COL22A1: variants seen among roughly 807,000 people sequenced by gnomAD.
COL22A1 encodes collagen alpha-1(XXII) chain.
COL22A1 carries 221 observed loss-of-function variants against 248.9 expected under a neutral mutation model. The ratio of observed to expected loss-of-function variants is 0.89; its 90% confidence interval spans 0.80 to 0.99. The LOEUF is 0.99. Among genes scored for constraint, COL22A1 ranks in the 50% least tolerant of loss-of-function variants. COL22A1 has a pLI of 0.00. For missense variants in COL22A1, 2,240 were observed against 2,179.0 expected (o/e 1.03, Z -0.56); for synonymous variants, 891 against 793.4 (o/e 1.12, Z -2.07).
intron 41 of COL22A1, among the ~76,000 whole-genome samples, chr8:138,674,178 C>T (rs761807421): frequency 2.0e-5 from 3 of 152,146 alleles, no homozygotes; most frequent in Non-Finnish European, 4.4e-5. Context: ...CAGCCTTAAC[C>T]AACGGATAAA....
intron 11 of COL22A1, among the ~76,000 whole-genome samples, chr8:138,800,191 A>C (rs970859605): frequency 1.3e-5 from 2 of 152,172 alleles, no homozygotes; most frequent in Non-Finnish European, 2.9e-5. Context: ...CTCAGCTTGC[A>C]TCCTTCACTG....
chr8:138,751,349 C>T (rs1036163814), intron 22 of COL22A1, 109 bp downstream of exon 22: 11 of 725,616 alleles, frequency 1.5e-5, no homozygotes, highest in Non-Finnish European at 2.3e-5. Flanking sequence ...TTCCAATATT[C>T]ATTTCAAGTC....
intron 16 of COL22A1, among the ~76,000 whole-genome samples, chr8:138,769,552 G>A (rs1228607391): frequency 6.6e-6 from 1 of 152,014 alleles, no homozygotes; most frequent in Non-Finnish European, 1.5e-5. Flanking sequence ...TCCCGGTGGG[G>A]ACTCCACCAC....
intron 60 of COL22A1, among the ~76,000 whole-genome samples, chr8:138,600,799 C>T (rs1380445772): frequency 6.6e-6 from 1 of 152,218 alleles, no homozygotes; most frequent in Non-Finnish European, 1.5e-5. Flanking sequence ...TTTCACAGGA[C>T]GTTGCAATCT....
In COL22A1 at chr8:138,892,643, A is replaced by G. The variant is rs531359824; in HGVS notation, c.-72-9399T>C. On this transcript the variant is annotated intron_variant, in intron 1 of 64. Coordinates refer to ENST00000303045, the MANE Select transcript of COL22A1 (RefSeq NM_152888.3). ...GCAGAGCTCTGCCATTAGTCTCCCAAAAGTCCAGCAATTAATTTAGTGAGC... is the reference window on the plus strand; with the variant it reads ...GCAGAGCTCTGCCATTAGTCTCCCAGAAGTCCAGCAATTAATTTAGTGAGC... 8.5e-4 allele frequency among the ~76,000 whole-genome samples: 129 copies of G among 152,206 alleles called. 2 individuals carry two copies. Among genetic ancestry groups the G allele is most frequent in the Non-Finnish European group, 1.6e-3 (107 of 68,046 alleles).
chr8:138,622,886 A>C (rs1819920077), intron 52 of COL22A1, among the ~76,000 whole-genome samples: 1 of 152,060 alleles, frequency 6.6e-6, no homozygotes, highest in African/African-American at 2.4e-5. Flanking sequence ...TGGAGAACCC[A>C]GGTCTCTAAA....
At chr8:138,605,728 G>A (rs1021940282) in intron 58 of COL22A1, among the ~76,000 whole-genome samples, 1 of 152,136 alleles carries the variant, frequency 6.6e-6, no homozygotes, top group Non-Finnish European at 1.5e-5. Context: ...TGACACCAGA[G>A]GGCTCCACTT....
At chr8:138,819,717 A>G (rs1818951807) in intron 7 of COL22A1, among the ~76,000 whole-genome samples, 1 of 148,418 alleles carries the variant, frequency 6.7e-6, no homozygotes, top group Admixed American at 6.8e-5. Flanking sequence ...ATGTTTATAT[A>G]TTATATATAA....
At chr8:138,699,993 A>C (rs1034792295) in intron 32 of COL22A1, 119 bp downstream of exon 32, 13 of 914,220 alleles carry the variant, frequency 1.4e-5, no homozygotes, top group Non-Finnish European at 2.3e-5. Context: ...GATCCCTGAC[A>C]GTGATGAACG....
intron 47 of COL22A1, among the ~76,000 whole-genome samples, chr8:138,643,568 C>A (rs939641086): frequency 6.6e-6 from 1 of 151,232 alleles, no homozygotes. Flanking sequence ...GTACTGAATA[C>A]CTCTTGCTGA....
At chr8:138,906,905 G>A (rs182348257) in intron 1 of COL22A1, among the ~76,000 whole-genome samples, 228 of 152,180 alleles carry the variant, frequency 1.5e-3, no homozygotes, top group African/African-American at 5.1e-3. Context: ...CTTCCGCCTC[G>A]GCCTCCCAAA....
intron 1 of COL22A1, among the ~76,000 whole-genome samples, chr8:138,907,278 A>G (rs561332436): frequency 6.6e-6 from 1 of 152,316 alleles, no homozygotes; most frequent in Middle Eastern, 3.4e-3. Flanking sequence ...TTAGTCCCCT[A>G]CAAGGGGAGC....
At chr8:138,763,631 G>C (rs1173525247) in intron 16 of COL22A1, among the ~76,000 whole-genome samples, 1 of 152,128 alleles carries the variant, frequency 6.6e-6, no homozygotes, top group African/African-American at 2.4e-5. Flanking sequence ...GGTGGGTTCA[G>C]GCTCATCTGA....
intron 6 of COL22A1, 46 bp from the exon 7 acceptor site, chr8:138,821,457 G>T (rs1322161671): frequency 1.3e-6 from 2 of 1,577,240 alleles, no homozygotes; most frequent in African/African-American, 2.7e-5. Flanking sequence ...TTGGGGCCAA[G>T]GGAAAAGGAG....
At chr8:138,664,194 T>TGTGCGCGCGCGC (rs1554738435) in intron 41 of COL22A1, among the ~76,000 whole-genome samples, 1 of 85,302 alleles carries the variant, frequency 1.2e-5, no homozygotes, top group South Asian at 6.7e-4. Context: ...CAACAAGGGG[T>TGTGCGCGCGCGC]GCGCGCGCGC....
chr8:138,861,106 G>T (rs1822423360), intron 3 of COL22A1, among the ~76,000 whole-genome samples: 1 of 152,110 alleles, frequency 6.6e-6, no homozygotes, highest in Non-Finnish European at 1.5e-5. Context: ...CACTTCTGCT[G>T]GTTTGCCAAC....
chr8:138,812,890 G>A (rs766588628), intron 8 of COL22A1, 49 bp downstream of exon 8: 4 of 1,387,644 alleles, frequency 2.9e-6, no homozygotes, highest in Non-Finnish European at 3.1e-6. Context: ...TCCCTCTGGA[G>A]GCCACACACC....
chr8:138,761,042 C>A (rs898144685), intron 17 of COL22A1, among the ~76,000 whole-genome samples: 1 of 152,166 alleles, frequency 6.6e-6, no homozygotes, highest in Non-Finnish European at 1.5e-5. Flanking sequence ...CATAGACATG[C>A]GTTCAAGGAT....
At chr8:138,834,031 C>T (rs1820249440) in intron 4 of COL22A1, among the ~76,000 whole-genome samples, 1 of 152,204 alleles carries the variant, frequency 6.6e-6, no homozygotes, top group Non-Finnish European at 1.5e-5. Flanking sequence ...CCCACAACCA[C>T]CAGCACACGC....
Sources: allele counts gnomAD v4.1 joint callset (sites outside exome capture counted in the v4.1 genomes callset), GRCh38; gene constraint gnomAD v4.1.1; transcripts MANE v1.5; gene names NCBI Gene and HGNC (gene_info 2026-07-23, HGNC 2026-07-21).